ZCCHC7: variants seen among roughly 807,000 people sequenced by gnomAD.
ZCCHC7 encodes the protein zinc finger CCHC domain-containing protein 7.
ZCCHC7 carries 35 observed loss-of-function variants against 52.0 expected under a neutral mutation model. The ratio of observed to expected loss-of-function variants is 0.67; its 90% confidence interval spans 0.51 to 0.89. ZCCHC7 has a LOEUF of 0.89. ZCCHC7 is among the 40% of genes least tolerant of loss of function. The pLI, the probability that ZCCHC7 is intolerant of heterozygous loss-of-function variation, is 0.00. For synonymous variants in ZCCHC7, 217 were observed against 221.5 expected (o/e 0.98, Z 0.18); for missense variants, 574 against 649.1 (o/e 0.88, Z 1.26).
intron 6 of ZCCHC7, among the ~76,000 whole-genome samples, chr9:37,339,486 A>G (rs560348337): frequency 7.2e-5 from 11 of 152,324 alleles, no homozygotes; most frequent in African/African-American, 2.6e-4. Flanking sequence ...AGTTTGCCTA[A>G]CTTTTAGGTT....
chr9:37,290,708 T>C (rs1828494332), intron 2 of ZCCHC7, among the ~76,000 whole-genome samples: 1 of 152,156 alleles, frequency 6.6e-6, no homozygotes, highest in Non-Finnish European at 1.5e-5. Flanking sequence ...CTTAAACGTC[T>C]TCCAAAGACT....
At chr9:37,306,818 C>T (rs1328381685) in intron 5 of ZCCHC7, among the ~76,000 whole-genome samples, 13 of 94,354 alleles carry the variant, frequency 1.4e-4, no homozygotes, top group East Asian at 7.2e-4. Context: ...GACAGGGTCT[C>T]GCTCTGTCAC....
intron 2 of ZCCHC7, among the ~76,000 whole-genome samples, chr9:37,245,773 A>G (rs1330401497): frequency 6.6e-6 from 1 of 152,062 alleles, no homozygotes; most frequent in African/African-American, 2.4e-5. Flanking sequence ...AATAATTAAA[A>G]TAAGCTAAAC....
chr9:37,211,923 G>A (rs1417708242), intron 2 of ZCCHC7, among the ~76,000 whole-genome samples: 1 of 151,226 alleles, frequency 6.6e-6, no homozygotes, highest in African/African-American at 2.4e-5. Flanking sequence ...AGCTACTTGG[G>A]AGGCTGAGGC....
chr9:37,154,673 T>TA (rs11453858), intron 2 of ZCCHC7, among the ~76,000 whole-genome samples: 50,037 of 151,062 alleles, frequency 0.33, 8,648 homozygotes, highest in Middle Eastern at 0.41. Context: ...GTTTTTTTTT[T>TA]AAATAGGGAC....
intron 6 of ZCCHC7, among the ~76,000 whole-genome samples, chr9:37,343,863 T>C (rs1344779980): frequency 6.6e-6 from 1 of 152,234 alleles, no homozygotes; most frequent in Non-Finnish European, 1.5e-5. Context: ...GTTATAACTC[T>C]ATCCTTATAG....
chr9:37,330,076 A>C (rs1830396381), intron 6 of ZCCHC7, among the ~76,000 whole-genome samples: 1 of 151,794 alleles, frequency 6.6e-6, no homozygotes, highest in African/African-American at 2.4e-5. Flanking sequence ...AGAACGACTT[A>C]AATTTTAACA....
intron 7 of ZCCHC7, among the ~76,000 whole-genome samples, chr9:37,350,731 A>G (rs1290932564): frequency 2.0e-5 from 3 of 152,268 alleles, no homozygotes; most frequent in Admixed American, 6.5e-5. Flanking sequence ...ATGAAGCAGC[A>G]GCAGCTCATT....
chr9:37,281,602 G>T (rs1323001018), intron 2 of ZCCHC7, among the ~76,000 whole-genome samples: 1 of 152,156 alleles, frequency 6.6e-6, no homozygotes, highest in African/African-American at 2.4e-5. Flanking sequence ...ACATGTGATT[G>T]TACTATATCA....
At chr9:37,235,474 C>T (rs954239962) in intron 2 of ZCCHC7, among the ~76,000 whole-genome samples, 5 of 149,306 alleles carry the variant, frequency 3.3e-5, no homozygotes, top group Admixed American at 2.7e-4. Flanking sequence ...TCCTTTCCTT[C>T]CTTCCTTTCT....
chr9:37,196,315 A>G (rs1342451880), intron 2 of ZCCHC7, among the ~76,000 whole-genome samples: 1 of 152,216 alleles, frequency 6.6e-6, no homozygotes. Context: ...GTGAAACTTT[A>G]TCTGTAGATG....
intron 1 of ZCCHC7, among the ~76,000 whole-genome samples, chr9:37,124,369 T>C (rs988451927): frequency 1.3e-5 from 2 of 151,730 alleles, no homozygotes; most frequent in Non-Finnish European, 2.9e-5. Flanking sequence ...TCATAATTTT[T>C]GTATTTTAAG....
At chr9:37,195,273 G>C (rs1208041618) in intron 2 of ZCCHC7, among the ~76,000 whole-genome samples, 1 of 152,064 alleles carries the variant, frequency 6.6e-6, no homozygotes, top group Non-Finnish European at 1.5e-5. Flanking sequence ...TGTAACAGCA[G>C]ATCCCTTATA....
chr9:37,305,429 C>A, intron 4 of ZCCHC7, 115 bp from the exon 5 acceptor site: 1 of 1,248,654 alleles, frequency 8.0e-7, no homozygotes, highest in Non-Finnish European at 1.1e-6. Context: ...CAGGATTCTA[C>A]CTTTATTGGG....
At chr9:37,342,644 C>G (rs771517169) in intron 6 of ZCCHC7, among the ~76,000 whole-genome samples, 1 of 152,148 alleles carries the variant, frequency 6.6e-6, no homozygotes, top group Non-Finnish European at 1.5e-5. Context: ...GTCTGGGAAG[C>G]TAAGTGAAGA....
chr9:37,279,375 TGTAAA>T (rs1476542664), intron 2 of ZCCHC7, among the ~76,000 whole-genome samples: 1 of 150,980 alleles, frequency 6.6e-6, no homozygotes, highest in African/African-American at 2.4e-5. Context: ...TATCTGAAAA[TGTAAA>T]GGTATATTTC....
chr9:37,194,582 C>T (rs948511098), intron 2 of ZCCHC7, among the ~76,000 whole-genome samples: 1 of 152,080 alleles, frequency 6.6e-6, no homozygotes, highest in Admixed American at 6.6e-5. Context: ...GATATTGTGC[C>T]TTAAGCTTAA....
intron 2 of ZCCHC7, among the ~76,000 whole-genome samples, chr9:37,161,994 ACT>A (rs1281433978): frequency 6.6e-6 from 1 of 152,062 alleles, no homozygotes; most frequent in Admixed American, 6.5e-5. Flanking sequence ...GGATAATCCA[ACT>A]CTCTTCTACT....
chr9:37,327,718 G>C, intron 5 of ZCCHC7, 81 bp from the exon 6 acceptor site: 1 of 1,480,806 alleles, frequency 6.8e-7, no homozygotes, highest in South Asian at 1.2e-5. Context: ...GACACCGGTG[G>C]ATGCTGGGTT....
Sources: gnomAD v4.1 joint callset for allele counts (sites outside exome capture counted in the v4.1 genomes callset) on GRCh38, gnomAD v4.1.1 for gene constraint, MANE v1.5 for transcripts, NCBI Gene and HGNC (gene_info 2026-07-23, HGNC 2026-07-21) for gene names.